SPEG: variants seen among roughly 807,000 people sequenced by gnomAD.
SPEG encodes striated muscle preferentially expressed protein kinase.
SPEG carries 114 observed loss-of-function variants against 300.4 expected under a neutral mutation model. The ratio of observed to expected loss-of-function variants is 0.38; its 90% confidence interval spans 0.33 to 0.44. The LOEUF (loss-of-function observed/expected upper bound fraction) is 0.44, where lower values mean the gene tolerates loss of function less well. SPEG is among the 20% of genes least tolerant of loss of function. The pLI, the probability that SPEG is intolerant of heterozygous loss-of-function variation, is 1.00. For synonymous variants in SPEG, 1,964 were observed against 2,018.9 expected, an observed-to-expected ratio of 0.97 and a Z score of 0.73; for missense variants, 4,201 against 4,586.2, an observed-to-expected ratio of 0.92 and a Z score of 2.43.
chr2:219,447,265 G>C (rs1283817739), intron 3 of SPEG, among the ~76,000 whole-genome samples: 1 of 152,036 alleles, frequency 6.6e-6, no homozygotes, highest in African/African-American at 2.4e-5. Context: ...ACTCAAGGTA[G>C]CTTTGCCAGG....
chr2:219,468,701 G>A lies in SPEG; in HGVS notation c.3266G>A (p.Gly1089Asp). Residue 1089 changes from glycine to aspartate, a missense_variant, in exon 11 of 41, where the codon GGC becomes GAC. By Grantham distance (94) the Gly-to-Asp change is moderately conservative (BLOSUM62 -1). Around this residue, in one of 4 missense-constraint regions of SPEG, gnomAD observed 1,047 missense variants for 1,356.8 expected, o/e 0.77. Coordinates refer to ENST00000312358, the MANE Select transcript of SPEG (RefSeq NM_005876.5). ...RAARFDCKIS[G>D]TPPPVVTWTH... Reference sequence around the variant, plus strand: ...GCCCGTTTCGACTGCAAGATCAGTGGCACCCCGCCCCCTGTTGTTACCTGG... The same window carrying A: ...GCCCGTTTCGACTGCAAGATCAGTGACACCCCGCCCCCTGTTGTTACCTGG... 1 of 1,614,118 alleles carries A rather than the reference G, an allele frequency of 6.2e-7. No individual in the cohort carries two copies. Among genetic ancestry groups the A allele is most frequent in the Non-Finnish European group, 8.5e-7 (1 of 1,179,990 alleles).
At chr2:219,487,061 G>T (rs1693499490) in intron 31 of SPEG, among the ~76,000 whole-genome samples, 1 of 152,086 alleles carries the variant, frequency 6.6e-6, no homozygotes, top group Non-Finnish European at 1.5e-5. Flanking sequence ...AGGCTCCTCA[G>T]CTTTCTCTTC....
rs112068790 is a variant in SPEG, at chr2:219,444,227, T to C, written c.389-426T>C. On this transcript the variant is annotated intron_variant, in intron 1 of 40. Coordinates refer to ENST00000312358, the MANE Select transcript of SPEG (RefSeq NM_005876.5). This position sits in a 1 kb window ranked among gnomAD's most constrained non-coding sequence, Gnocchi z 7.8. ...GTGCCCTGGCAGTACGACTCTGAGGTGACTCCTCTTTGTTCCTGGGGTACT... is the reference window on the plus strand; with the variant it reads ...GTGCCCTGGCAGTACGACTCTGAGGCGACTCCTCTTTGTTCCTGGGGTACT... Among the ~76,000 whole-genome samples the C allele has an allele frequency of 0.021, 3,129 of 152,100 alleles. 41 individuals are homozygous for C. Among genetic ancestry groups the C allele is most frequent in the Non-Finnish European group, 0.03 (2,068 of 67,988 alleles).
intron 1 of SPEG, among the ~76,000 whole-genome samples, chr2:219,442,287 G>T (rs908430811): frequency 3.3e-5 from 5 of 151,616 alleles, no homozygotes; most frequent in Non-Finnish European, 7.4e-5. Flanking sequence ...CCCTCCCCGC[G>T]CTGAAGGGCA....
chr2:219,485,747 C>T (rs1400771800), intron 31 of SPEG, among the ~76,000 whole-genome samples: 1 of 152,214 alleles, frequency 6.6e-6, no homozygotes, highest in African/African-American at 2.4e-5. Flanking sequence ...GGTGAGGAAA[C>T]GGGCTTAGTG....
In SPEG at chr2:219,473,861, C is replaced by G; in HGVS notation, c.4405C>G (p.Arg1469Gly). ...MGALTCTARNRHGTQTCSVTL... is the reference protein window; with the variant it reads ...MGALTCTARNGHGTQTCSVTL... ...GGCCCTCACCTGCACCGCCCGAAAC[C>G]GTCACGGCACACAGACCTGCTCGGT... is the stretch of plus-strand genomic sequence containing the variant. The change falls in exon 18 of 41, where the codon CGT becomes GGT. Residue 1469 changes from arginine to glycine, a missense_variant. By Grantham distance (125) the Arg-to-Gly change is moderately radical (BLOSUM62 -2). This residue lies in a region of SPEG where 1,047 missense variants were observed against 1,356.8 expected (regional missense o/e 0.77). Transcript: ENST00000312358. This position sits in a 1 kb window ranked among gnomAD's most constrained non-coding sequence, Gnocchi z 4.6. 6.2e-7 allele frequency: 1 copy of G among 1,613,530 alleles called. No homozygotes were observed. Among genetic ancestry groups the G allele is most frequent in the Non-Finnish European group, 8.5e-7 (1 of 1,180,006 alleles).
Position 219,448,432 on chromosome 2 carries a change from G to A in SPEG, c.1274G>A (p.Arg425Gln). The change falls in exon 4 of 41, where the codon CGG (arginine) becomes CAG (glutamine). Residue 425 changes from arginine to glutamine, a missense_variant. Transcript: ENST00000312358. ...AGCGACTCGCCGCCGGCGCCCCTGCGGCCCTGGGTGCCCCTGCGCAAGGCC... is the reference window on the plus strand; with the variant it reads ...AGCGACTCGCCGCCGGCGCCCCTGCAGCCCTGGGTGCCCCTGCGCAAGGCC... Reference protein sequence around the residue: ...ERSDSPPAPLRPWVPLRKARS... With the variant: ...ERSDSPPAPLQPWVPLRKARS... 2.0e-6 allele frequency: 3 copies of A among 1,515,786 alleles called. No individual in the cohort carries two copies. Among genetic ancestry groups the A allele is most frequent in the Non-Finnish European group, 2.6e-6 (3 of 1,139,460 alleles). 93.9% of individuals were successfully genotyped at this position (1,515,786 alleles called of 1,614,324 possible).
chr2:219,482,050 G>A (rs1293082117), intron 28 of SPEG: 1 of 316,172 alleles, frequency 3.2e-6, no homozygotes, highest in South Asian at 5.8e-5. Flanking sequence ...AGCGTTGGGG[G>A]TGACCAGGCA....
intron 6 of SPEG, among the ~76,000 whole-genome samples, chr2:219,452,541 A>G (rs1248307510): frequency 1.3e-5 from 2 of 152,008 alleles, no homozygotes; most frequent in Non-Finnish European, 2.9e-5. Context: ...GTCAGGGGGT[A>G]TTACAGAAGG....
chr2:219,484,893 C>CG lies in SPEG; in HGVS notation c.7436dup (p.Ala2480ArgfsTer100), dbSNP rs1559424095. On this transcript the variant is annotated frameshift_variant, in exon 30 of 41. Coordinates refer to ENST00000312358, the MANE Select transcript of SPEG (RefSeq NM_005876.5). LOFTEE classifies it high-confidence loss of function. ...CAGCGCAGTGGCAGCAGCGAGGACT[C>CG]GGGGGGCGCGTCGGGCCGCAGCACG... is the stretch of plus-strand genomic sequence containing the variant. The CG allele has an allele frequency of 1.3e-6, 2 of 1,525,666 alleles. No homozygotes were observed. The highest frequency in any genetic ancestry group is 2.0e-5 in the Admixed American group (1 of 50,478). 94.5% of individuals were successfully genotyped at this position (1,525,666 alleles called of 1,614,324 possible).
rs376613097 is a variant in SPEG, at chr2:219,445,041, G to T, written c.695G>T (p.Arg232Leu). The stretch of plus-strand genomic sequence containing the variant: ...CACCTGGGGGTGGAGCCGCTGGTGC[G>T]GGCATCTCGAGCTAATCTGGTGGGC... ...PRHLGVEPLV[R>L]ASRANLVGAS... Residue 232 changes from arginine to leucine, a missense_variant, in exon 3 of 41, where the codon CGG (arginine) becomes CTG (leucine). Arg to Leu is a moderately radical substitution (Grantham distance 102, BLOSUM62 -2). Coordinates refer to ENST00000312358, the MANE Select transcript of SPEG (RefSeq NM_005876.5). The surrounding 1 kb of genome is among the most constrained non-coding windows in gnomAD (Gnocchi z 6.1). 6.2e-7 allele frequency: 1 copy of T among 1,607,738 alleles called. No homozygotes were observed.
chr2:219,460,215 G>A, intron 6 of SPEG: 1 of 753,154 alleles, frequency 1.3e-6, no homozygotes, highest in Non-Finnish European at 1.6e-6. Flanking sequence ...GCAGGGATGA[G>A]GGGGCAGAGG....
chr2:219,457,196 A>G (rs569062418), intron 6 of SPEG, among the ~76,000 whole-genome samples: 2 of 152,296 alleles, frequency 1.3e-5, no homozygotes, highest in East Asian at 3.9e-4. Context: ...GAAACAGCAC[A>G]TGTGGAGGGC....
chr2:219,437,713 G>A (rs1190195452), intron 1 of SPEG, among the ~76,000 whole-genome samples: 1 of 152,098 alleles, frequency 6.6e-6, no homozygotes, highest in Non-Finnish European at 1.5e-5. Context: ...GGAGGAGGGA[G>A]GGGCTTTGCT....
At chr2:219,460,415 A>T (rs1020828759) in intron 6 of SPEG, 1 of 985,258 alleles carries the variant, frequency 1.0e-6, no homozygotes, top group African/African-American at 1.7e-5. Flanking sequence ...CACAGGGAAC[A>T]TTTCCCACGG....
chr2:219,477,115 G>A lies in SPEG; in HGVS notation c.4560+133G>A, dbSNP rs1176285157. On this transcript the variant is annotated intron_variant, in intron 19 of 40. Transcript: ENST00000312358. This position sits in a 1 kb window ranked among gnomAD's most constrained non-coding sequence, Gnocchi z 6.4. ...TTAGGAGGAGGAAAGGGGCTGCAGA[G>A]GACTGACTAGCTGAGGGGTGCAGGG... 4 of 1,000,718 alleles carry A rather than the reference G, an allele frequency of 4.0e-6. No individual in the cohort carries two copies. The highest frequency in any genetic ancestry group is 2.5e-5 in the East Asian group (1 of 39,532). The allele number at this position is 1,000,718 out of a possible 1,614,324, so 62.0% of individuals were successfully genotyped here. A position where few individuals can be genotyped will look rare whatever the true frequency, so the allele number is the denominator to read the frequency against.
chr2:219,446,674 G>C (rs1689316137), intron 3 of SPEG, among the ~76,000 whole-genome samples: 1 of 152,200 alleles, frequency 6.6e-6, no homozygotes, highest in Non-Finnish European at 1.5e-5. Context: ...TGGAAACCCA[G>C]ACACTTTGGA....
At position 219,480,719 on chromosome 2, in the gene SPEG, C is replaced by T; in HGVS notation, c.5369+22C>T. 6.2e-7 allele frequency: 1 copy of T among 1,612,876 alleles called. No individual in the cohort carries two copies. Among genetic ancestry groups the T allele is most frequent in the African/African-American group, 1.3e-5 (1 of 74,994 alleles). The stretch of plus-strand genomic sequence containing the variant: ...TCTGGTAAGGACCCCTCTGCAATGT[C>T]CCAGCAGTCTCCTGGCAGGTCTACC... On this transcript the variant is annotated intron_variant, in intron 26 of 40. Transcript: ENST00000312358. The surrounding 1 kb of genome is among the most constrained non-coding windows in gnomAD (Gnocchi z 5.3).
Position 219,483,824 on chromosome 2 carries a change from G to A in SPEG, c.6361G>A (p.Glu2121Lys). Residue 2121 changes from glutamate to lysine, a missense_variant, in exon 30 of 41, where the codon GAG (glutamate) becomes AAG (lysine). By Grantham distance (56) the Glu-to-Lys change is moderately conservative. Transcript: ENST00000312358. Reference protein sequence around the residue: ...EAAPHHQPPLENRGLQKSSSF... With the variant: ...EAAPHHQPPLKNRGLQKSSSF... ...AGCGCCCCACCACCAGCCCCCACTCGAGAACCGGGGCCTGCAAAAGAGCAG... is the reference window on the plus strand; with the variant it reads ...AGCGCCCCACCACCAGCCCCCACTCAAGAACCGGGGCCTGCAAAAGAGCAG... The A allele has an allele frequency of 6.3e-7, 1 of 1,581,486 alleles. No individual in the cohort carries two copies. The highest frequency in any genetic ancestry group is 8.5e-7 in the Non-Finnish European group (1 of 1,170,530).
Sources: gnomAD v4.1 joint callset for allele counts (sites outside exome capture counted in the v4.1 genomes callset) on GRCh38, gnomAD v4.1.1 for gene constraint, gnomAD v4.1.1 regional missense constraint, Gnocchi (gnomAD v3.1) non-coding constraint, MANE v1.5 for transcripts, NCBI Gene and HGNC (gene_info 2026-07-23, HGNC 2026-07-21) for gene names.